NHSL1: variants seen among roughly 807,000 people sequenced by gnomAD.
NHSL1 encodes NHS like 1.
Under a neutral mutation model 95.0 loss-of-function variants are expected in NHSL1, and 48 were observed. The ratio of observed to expected loss-of-function variants is 0.51; its 90% CI spans 0.40 to 0.64. NHSL1 has a LOEUF of 0.64. Ranked by LOEUF, NHSL1 falls within the 30% of genes least tolerant of loss-of-function variation. NHSL1 has a pLI of 0.00. For synonymous variants in NHSL1, 783 were observed against 833.9 expected, an observed-to-expected ratio of 0.94 and a Z score of 1.05; for missense variants, 1,971 against 2,077.7, an observed-to-expected ratio of 0.95 and a Z score of 1.00.
At chr6:138,489,845 GGAGAGAGGGAGAGAGA>G (rs1779940661) in intron 2 of NHSL1, among the ~76,000 whole-genome samples, 1 of 29,710 alleles carries the variant, frequency 3.4e-5, no homozygotes, top group South Asian at 1.5e-3. Context: ...AGAGAGAGAG[GGAGAGAGGGAGAGAGA>G]GAGAGAGAGA....
chr6:138,539,837 T>C (rs1031112997), intron 1 of NHSL1, among the ~76,000 whole-genome samples: 3 of 152,160 alleles, frequency 2.0e-5, no homozygotes, highest in Non-Finnish European at 4.4e-5. Context: ...TTTCAGTCCA[T>C]AGGGTAGCAT....
intron 1 of NHSL1, among the ~76,000 whole-genome samples, chr6:138,589,227 A>G (rs1186255723): frequency 6.6e-6 from 1 of 152,192 alleles, no homozygotes; most frequent in Non-Finnish European, 1.5e-5. Context: ...CTGTGCGTTC[A>G]TGGGACAGTA....
intron 1 of NHSL1, among the ~76,000 whole-genome samples, chr6:138,646,587 C>A (rs942319170): frequency 1.3e-5 from 2 of 152,154 alleles, no homozygotes; most frequent in African/African-American, 4.8e-5. Flanking sequence ...TAGGAATACA[C>A]AACTCCCTCA....
intron 1 of NHSL1, among the ~76,000 whole-genome samples, chr6:138,654,348 T>C (rs1222348501): frequency 6.6e-6 from 1 of 152,322 alleles, no homozygotes; most frequent in East Asian, 1.9e-4. Context: ...GACTGCAATT[T>C]TGTACAGCCT....
chr6:138,431,273 T>C lies in NHSL1; in HGVS notation c.3072A>G (p.Pro1024=). ...LLPSSEPPPA[P]PLDPKFMKDT... ...CTTTCATGAATTTGGGGTCAAGAGG[T>C]GGGGCAGGTGGGGGTTCCGAGGAAG... is the stretch of plus-strand genomic sequence containing the variant. Residue 1024 remains proline, a synonymous_variant, in exon 6 of 8, where the codon CCA becomes CCG. Transcript: ENST00000343505. This position sits in a 1 kb window ranked among gnomAD's most constrained non-coding sequence, Gnocchi z 4.0. The C allele has an allele frequency of 6.7e-7, 1 of 1,496,620 alleles. No individual in the cohort carries two copies. The highest frequency in any genetic ancestry group is 8.9e-7 in the Non-Finnish European group (1 of 1,119,778). 92.7% of individuals were successfully genotyped at this position (1,496,620 alleles called of 1,614,324 possible).
Position 138,423,967 on chromosome 6 carries a change from A to T in NHSL1, c.*114T>A. 8.8e-7 allele frequency: 1 copy of T among 1,135,526 alleles called. No individual in the cohort carries two copies. Among genetic ancestry groups the T allele is most frequent in the Non-Finnish European group, 1.1e-6 (1 of 888,536 alleles). 70.3% of individuals were successfully genotyped at this position (1,135,526 alleles called of 1,614,324 possible). A position where few individuals can be genotyped will look rare whatever the true frequency, so the allele number is the denominator to read the frequency against. On this transcript the variant is annotated 3_prime_UTR_variant, in exon 8 of 8. Transcript: ENST00000343505. Reference sequence around the variant, plus strand: ...GGCTGGCAACCCCGGGGCCCACAGCACAGAAGCAGAGTGGGCTCCCCGGGT... The same window carrying T: ...GGCTGGCAACCCCGGGGCCCACAGCTCAGAAGCAGAGTGGGCTCCCCGGGT...
Position 138,431,110 on chromosome 6 carries a change from T to C in NHSL1, c.3235A>G (p.Arg1079Gly). The C allele has an allele frequency of 6.4e-7, 1 of 1,551,832 alleles. No individual in the cohort carries two copies. ...GCGCCTGAGTTCTTTCTCACGGGCC[T>C]CAACTGCACCATCTGCAATGCTTCC... ...TTEALQMVQL[R>G]PVRKNSGAEA... The change falls in exon 6 of 8, where the codon AGG becomes GGG. Residue 1079 changes from arginine (R) to glycine (G), a missense_variant. Physicochemically the swap from Arg to Gly is moderately radical, Grantham distance 125. Coordinates refer to ENST00000343505, the MANE Select transcript of NHSL1 (RefSeq NM_001144060.2). The surrounding 1 kb of genome is among the most constrained non-coding windows in gnomAD (Gnocchi z 4.0).
chr6:138,469,761 AACAAAAAC>A (rs1778633627), intron 3 of NHSL1, among the ~76,000 whole-genome samples: 1 of 152,092 alleles, frequency 6.6e-6, no homozygotes, highest in Non-Finnish European at 1.5e-5. Flanking sequence ...CAACAACAAC[AACAAAAAC>A]ACAAAAAACA....
chr6:138,424,674 G>A lies in NHSL1; in HGVS notation c.4228C>T (p.Arg1410Ter), dbSNP rs1490797987. Residue 1410 changes from arginine to a stop codon, truncating the protein, a stop_gained, in exon 8 of 8, where the codon CGA (arginine) becomes TGA (stop). Transcript: ENST00000343505. LOFTEE classifies it low-confidence loss of function (END_TRUNC). The surrounding 1 kb of genome is among the most constrained non-coding windows in gnomAD (Gnocchi z 5.9). ...KQVGSIQRSI[R>*]KSSTSSDNFK... ...TTGTCACTGCTGGTGCTGCTCTTTC[G>A]GATGCTTCTCTGAATCGACCCCACT... The A allele has an allele frequency of 6.4e-7, 1 of 1,551,520 alleles. No homozygotes were observed. The highest frequency in any genetic ancestry group is 2.0e-5 in the Admixed American group (1 of 50,988).
rs114435267 is a variant in NHSL1 at position 138,551,049 on chromosome 6, G to A, written c.202+20661C>T. Among the ~76,000 whole-genome samples, 1,251 of 152,310 alleles carry A rather than the reference G, an allele frequency of 8.2e-3. 23 individuals carry two copies. Among genetic ancestry groups the A allele is most frequent in the African/African-American group, 0.029 (1,195 of 41,564 alleles). Reference sequence around the variant, plus strand: ...ATATTAAAACAGAGAGAGATATCAAGACAGAGGGAAAGAGACCACATTTAT... The same window carrying A: ...ATATTAAAACAGAGAGAGATATCAAAACAGAGGGAAAGAGACCACATTTAT... On this transcript the variant is annotated intron_variant, in intron 1 of 6. Transcript: ENST00000427025.
At chr6:138,520,483 T>C (rs2128308116) in intron 1 of NHSL1, among the ~76,000 whole-genome samples, 1 of 151,944 alleles carries the variant, frequency 6.6e-6, no homozygotes, top group African/African-American at 2.4e-5. Flanking sequence ...AGAGATGGGG[T>C]TTCACCATGT....
At chr6:138,448,265 G>A (rs1776991170) in intron 3 of NHSL1, among the ~76,000 whole-genome samples, 1 of 152,178 alleles carries the variant, frequency 6.6e-6, no homozygotes, top group Admixed American at 6.5e-5. Flanking sequence ...GCTCCAAGAA[G>A]GCCAAATGAG....
At chr6:138,671,734 C>A (rs958641037) in intron 1 of NHSL1, among the ~76,000 whole-genome samples, 5 of 152,028 alleles carry the variant, frequency 3.3e-5, no homozygotes, top group African/African-American at 1.2e-4. Flanking sequence ...GTTGAAACAA[C>A]AATAAACACA....
At chr6:138,680,977 T>A (rs1280158216) in intron 1 of NHSL1, among the ~76,000 whole-genome samples, 1 of 152,164 alleles carries the variant, frequency 6.6e-6, no homozygotes, top group Non-Finnish European at 1.5e-5. Flanking sequence ...CATAAACTAT[T>A]CCTAAAAATC....
intron 1 of NHSL1, among the ~76,000 whole-genome samples, chr6:138,551,678 A>T (rs1783009064): frequency 6.6e-6 from 1 of 152,208 alleles, no homozygotes; most frequent in South Asian, 2.1e-4. Flanking sequence ...GAAGAAAAAA[A>T]TTATAGCATT....
At chr6:138,443,052 T>C (rs962194326) in intron 4 of NHSL1, among the ~76,000 whole-genome samples, 2 of 151,090 alleles carry the variant, frequency 1.3e-5, no homozygotes, top group East Asian at 1.9e-4. Context: ...TATACATATA[T>C]ACACACACAC....
At chr6:138,445,577 T>A (rs936255897) in intron 4 of NHSL1, among the ~76,000 whole-genome samples, 2 of 152,232 alleles carry the variant, frequency 1.3e-5, no homozygotes, top group African/African-American at 4.8e-5. Flanking sequence ...TTCATGCACT[T>A]ATTTATTAAA....
chr6:138,583,905 C>T (rs1784096885), intron 1 of NHSL1, among the ~76,000 whole-genome samples: 1 of 152,092 alleles, frequency 6.6e-6, no homozygotes, highest in Non-Finnish European at 1.5e-5. Context: ...AGGAGAGCAG[C>T]CTGGACAACA....
At chr6:138,613,829 G>A (rs536189115) in intron 1 of NHSL1, among the ~76,000 whole-genome samples, 4 of 152,318 alleles carry the variant, frequency 2.6e-5, no homozygotes, top group Admixed American at 2.0e-4. Flanking sequence ...TGGGTCAGTC[G>A]TCGGCCCACA....
Sources: allele counts gnomAD v4.1 joint callset (sites outside exome capture counted in the v4.1 genomes callset), GRCh38; gene constraint gnomAD v4.1.1; non-coding constraint Gnocchi (gnomAD v3.1); transcripts MANE v1.5; gene names NCBI Gene and HGNC (gene_info 2026-07-23, HGNC 2026-07-21).